CNTNAP5: variants seen among roughly 807,000 people sequenced by gnomAD.
CNTNAP5 encodes contactin-associated protein-like 5.
Under a neutral mutation model 150.2 loss-of-function variants are expected in CNTNAP5, and 72 were observed. That is an observed-to-expected ratio of 0.48 (90% CI 0.40 to 0.58). CNTNAP5 has a LOEUF of 0.58. Among genes scored for constraint, CNTNAP5 ranks in the 20% least tolerant of loss-of-function variants. The pLI, the probability that CNTNAP5 is intolerant of heterozygous loss-of-function variation, is 0.00. For missense variants in CNTNAP5, 1,636 were observed against 1,626.2 expected (o/e 1.01, Z -0.10); for synonymous variants, 672 against 619.8 (o/e 1.08, Z -1.25).
In CNTNAP5 at chr2:124,582,945, T is replaced by C. The variant is rs531610423; in HGVS notation, c.1756+19622T>C. ...AAGTAATTCAGTTTTTCCTCTAGTA[T>C]GGTTGATAAAATCATTTCTTAAAAA... On this transcript the variant is annotated intron_variant, in intron 11 of 23. Coordinates refer to ENST00000682447, the MANE Select transcript of CNTNAP5 (RefSeq NM_001367498.1). 7.2e-5 allele frequency among the ~76,000 whole-genome samples: 11 copies of C among 152,322 alleles called. No individual in the cohort carries two copies. The South Asian group carries it at 1.9e-3, about 26-fold the overall frequency.
chr2:124,835,672 G>GTT (rs1295686774), intron 19 of CNTNAP5, among the ~76,000 whole-genome samples: 2 of 152,122 alleles, frequency 1.3e-5, no homozygotes, highest in Non-Finnish European at 2.9e-5. Context: ...CTGTTTGTAG[G>GTT]ATATCTGTTA....
chr2:124,543,064 C>T (rs1695426684), intron 10 of CNTNAP5, among the ~76,000 whole-genome samples: 1 of 152,124 alleles, frequency 6.6e-6, no homozygotes, highest in Non-Finnish European at 1.5e-5. Context: ...GTGGTTCACG[C>T]CAAATACTGC....
chr2:124,689,101 G>A (rs1247130448), intron 13 of CNTNAP5, among the ~76,000 whole-genome samples: 1 of 152,000 alleles, frequency 6.6e-6, no homozygotes, highest in Non-Finnish European at 1.5e-5. Flanking sequence ...TGCTTTTAAT[G>A]TCACTACTGT....
At chr2:124,177,656 A>G (rs530436568) in intron 1 of CNTNAP5, among the ~76,000 whole-genome samples, 1 of 152,254 alleles carries the variant, frequency 6.6e-6, no homozygotes, top group Admixed American at 6.5e-5. Flanking sequence ...TTTTTAATCA[A>G]TGCTCATTCT....
intron 3 of CNTNAP5, among the ~76,000 whole-genome samples, chr2:124,282,483 G>T (rs369136393): frequency 6.6e-6 from 1 of 152,118 alleles, no homozygotes; most frequent in East Asian, 1.9e-4. Context: ...TGTTCTGACT[G>T]ATGCAGATCT....
In CNTNAP5 at chr2:124,515,843, G is replaced by A. The variant is rs1233377443; in HGVS notation, c.1328-8460G>A. On this transcript the variant is annotated intron_variant, in intron 8 of 23. Transcript: ENST00000682447. ...TTGGAAAATAGCCTGAAAAGACAGA[G>A]GGAGACTTGATTAGAGAAAGAGTAG... Among the ~76,000 whole-genome samples the A allele has an allele frequency of 5.3e-5, 8 of 152,318 alleles. No homozygotes were observed. In the East Asian group the frequency reaches 1.4e-3, roughly 26 times the overall value.
intron 6 of CNTNAP5, among the ~76,000 whole-genome samples, chr2:124,462,560 A>G (rs150447266): frequency 1.3e-5 from 2 of 152,322 alleles, no homozygotes; most frequent in African/African-American, 4.8e-5. Context: ...CTTGTTTTCT[A>G]TTAGCTGCTA....
intron 13 of CNTNAP5, among the ~76,000 whole-genome samples, chr2:124,672,569 C>T (rs1678847064): frequency 6.6e-6 from 1 of 152,162 alleles, no homozygotes; most frequent in East Asian, 1.9e-4. Context: ...CTTTAGGGCC[C>T]CAAAAGAAGA....
chr2:124,111,025 A>T (rs576868666), intron 1 of CNTNAP5, among the ~76,000 whole-genome samples: 10 of 152,300 alleles, frequency 6.6e-5, no homozygotes, highest in African/African-American at 2.2e-4. Context: ...ATGAGTGTAT[A>T]ATCAAAGTGC....
chr2:124,116,808 TC>T (rs1458875220), intron 1 of CNTNAP5, among the ~76,000 whole-genome samples: 2 of 152,162 alleles, frequency 1.3e-5, no homozygotes, highest in Non-Finnish European at 1.5e-5. Context: ...TCCTCCTACA[TC>T]ATCTTTTGGA....
chr2:124,031,096 C>T (rs1340332199), intron 1 of CNTNAP5, among the ~76,000 whole-genome samples: 2 of 1,084 alleles, frequency 1.8e-3, no homozygotes, highest in Non-Finnish European at 0.031. Context: ...GTCTAGAATA[C>T]CCTTTTTCTT....
intron 13 of CNTNAP5, among the ~76,000 whole-genome samples, chr2:124,705,622 G>A (rs1028560933): frequency 7.2e-5 from 11 of 152,006 alleles, no homozygotes; most frequent in Admixed American, 2.0e-4. Context: ...GAATTAATGG[G>A]GGTTGACATT....
chr2:124,634,583 A>C (rs1677933611), intron 12 of CNTNAP5, among the ~76,000 whole-genome samples: 1 of 152,096 alleles, frequency 6.6e-6, no homozygotes, highest in Admixed American at 6.5e-5. Context: ...ATCTTGGTTC[A>C]CAGTAGTGTT....
chr2:124,675,975 A>G (rs72845077), intron 13 of CNTNAP5, among the ~76,000 whole-genome samples: 3,243 of 152,240 alleles, frequency 0.021, 45 homozygotes, highest in Middle Eastern at 0.037. Context: ...ATAATGTGGA[A>G]ATTCTGAAAT....
intron 1 of CNTNAP5, among the ~76,000 whole-genome samples, chr2:124,146,938 G>A (rs1456771745): frequency 6.6e-6 from 1 of 152,176 alleles, no homozygotes; most frequent in Non-Finnish European, 1.5e-5. Context: ...CCCTTGGGGA[G>A]CTCACATTTG....
chr2:124,276,085 A>T (rs1687877956), intron 3 of CNTNAP5, among the ~76,000 whole-genome samples: 1 of 152,190 alleles, frequency 6.6e-6, no homozygotes, highest in African/African-American at 2.4e-5. Context: ...CTTATTCAGC[A>T]AACTTCACAC....
intron 21 of CNTNAP5, among the ~76,000 whole-genome samples, chr2:124,884,035 G>A (rs934762190): frequency 8.5e-5 from 13 of 152,048 alleles, no homozygotes; most frequent in African/African-American, 2.7e-4. Context: ...ATGCATGTGT[G>A]CATGCATGTT....
chr2:124,498,018 A>T (rs2104856799), intron 7 of CNTNAP5, among the ~76,000 whole-genome samples: 1 of 152,292 alleles, frequency 6.6e-6, no homozygotes, highest in East Asian at 1.9e-4. Flanking sequence ...TCCATCAGTC[A>T]TGAGATGATC....
rs550625417 is a variant in CNTNAP5, at chr2:124,488,930, C to T, written c.1062+14048C>T. Reference sequence around the variant, plus strand: ...GATTGTCTTCACGTGTCTCCCTCCACTAAATGTTTTCTCCTTCCCTGATTC... The same window carrying T: ...GATTGTCTTCACGTGTCTCCCTCCATTAAATGTTTTCTCCTTCCCTGATTC... On this transcript the variant is annotated intron_variant, in intron 7 of 23. Coordinates refer to ENST00000682447, the MANE Select transcript of CNTNAP5 (RefSeq NM_001367498.1). Among the ~76,000 whole-genome samples, 16 of 152,264 alleles carry T rather than the reference C, an allele frequency of 1.1e-4. No homozygotes were observed. The East Asian group carries it at 3.1e-3, about 29-fold the overall frequency.
Sources: gnomAD v4.1 joint callset for allele counts (sites outside exome capture counted in the v4.1 genomes callset) on GRCh38, gnomAD v4.1.1 for gene constraint, MANE v1.5 for transcripts, NCBI Gene and HGNC (gene_info 2026-07-23, HGNC 2026-07-21) for gene names.